Variants in GPNMB observed in about 807,000 individuals in gnomAD.
The protein encoded by GPNMB is transmembrane glycoprotein NMB.
GPNMB carries 71 observed loss-of-function variants against 57.3 expected under a neutral mutation model. That is an observed-to-expected ratio of 1.24 (90% CI 1.02 to 1.51). GPNMB has a LOEUF of 1.51. Among genes scored for constraint, GPNMB ranks in the 40% most tolerant of loss-of-function variants. The pLI, the probability that GPNMB is intolerant of heterozygous loss-of-function variation, is 0.00. For synonymous variants in GPNMB, 253 were observed against 263.2 expected (o/e 0.96, Z 0.38); for missense variants, 677 against 691.9 (o/e 0.98, Z 0.24).
chr7:23,256,289 G>A (rs1303701579), intron 3 of GPNMB, among the ~76,000 whole-genome samples: 1 of 152,168 alleles, frequency 6.6e-6, no homozygotes, highest in African/African-American at 2.4e-5. Flanking sequence ...TTAGCACTTT[G>A]TCATAACTGC....
chr7:23,250,936 G>A (rs1354871070), intron 1 of GPNMB: 1 of 152,122 alleles, frequency 6.6e-6, no homozygotes, highest in Non-Finnish European at 1.5e-5. Flanking sequence ...AATAATCTTA[G>A]TTCTTTTCAT....
chr7:23,249,074 G>T (rs541778034), intron 1 of GPNMB, among the ~76,000 whole-genome samples: 1 of 152,178 alleles, frequency 6.6e-6, no homozygotes, highest in East Asian at 1.9e-4. Context: ...ACCTTATCCG[G>T]ATGGGTTTAT....
Position 23,260,158 on chromosome 7 carries a change from A to T in GPNMB, c.700+20A>T. 1 of 1,611,716 alleles carries T rather than the reference A, an allele frequency of 6.2e-7. No homozygotes were observed. The highest frequency in any genetic ancestry group is 2.2e-5 in the East Asian group (1 of 44,858). On this transcript the variant is annotated intron_variant, in intron 5 of 10. Transcript: ENST00000258733. ...TAACAGGTGAGTGGTGTGAACTCTA[A>T]CTGAGGATGAGGCACTTCATTCTGT... is the stretch of plus-strand genomic sequence containing the variant.
chr7:23,267,396 C>T (rs1162843470), intron 7 of GPNMB, among the ~76,000 whole-genome samples: 1 of 152,174 alleles, frequency 6.6e-6, no homozygotes, highest in Non-Finnish European at 1.5e-5. Flanking sequence ...GGCAAGAGGG[C>T]TGTCTTCCTT....
At position 23,270,091 on chromosome 7, in the gene GPNMB, T is replaced by C. The variant is rs745687067; in HGVS notation, c.1345T>C (p.Ser449Pro). ...GACTGTGAGACGAACCTTCAATGGG[T>C]CTGGGACGTACTGTGTGAACCTCAC... ...LLTVRRTFNG[S>P]GTYCVNLTLG... Residue 449 changes from serine (S) to proline (P), a missense_variant, in exon 9 of 11, where the codon TCT becomes CCT. Coordinates refer to ENST00000258733, the MANE Select transcript of GPNMB (RefSeq NM_002510.3). The C allele has an allele frequency of 2.5e-6, 4 of 1,613,978 alleles. No homozygotes were observed. In the East Asian group the frequency reaches 8.9e-5, roughly 36 times the overall value.
chr7:23,274,025 A>G (rs1562646319), intron 10 of GPNMB, 40 bp from the exon 11 acceptor site: 1 of 1,483,052 alleles, frequency 6.7e-7, no homozygotes, highest in Non-Finnish European at 9.3e-7. Flanking sequence ...ATTTCAACTG[A>G]AGATCTTTTA....
At chr7:23,266,464 ATCTTTTATGTTC>A in intron 6 of GPNMB, 41 bp from the exon 7 acceptor site, 1 of 1,582,900 alleles carries the variant, frequency 6.3e-7, no homozygotes, top group East Asian at 2.2e-5. Flanking sequence ...TATCACATGT[ATCTTTTATGTTC>A]GTAGCAACTA....
chr7:23,255,513 A>ATACT (rs1223324890), intron 3 of GPNMB, among the ~76,000 whole-genome samples: 1 of 152,240 alleles, frequency 6.6e-6, no homozygotes, highest in East Asian at 1.9e-4. Context: ...GCTGCAACAC[A>ATACT]GGAATACATA....
intron 2 of GPNMB, 24 bp from the exon 3 acceptor site, chr7:23,254,145 G>A (rs773200861): frequency 2.7e-5 from 43 of 1,584,862 alleles, no homozygotes; most frequent in Non-Finnish European, 3.7e-5. Flanking sequence ...CTGGATCATC[G>A]AGCCCCACTT....
chr7:23,268,711 T>G (rs1016925336), intron 8 of GPNMB, among the ~76,000 whole-genome samples: 2 of 152,154 alleles, frequency 1.3e-5, no homozygotes, highest in African/African-American at 4.8e-5. Flanking sequence ...GTGGCCTTAT[T>G]TGGTAGAAGA....
Position 23,274,933 on chromosome 7 carries a change from G to A in GPNMB, c.*709G>A, listed in dbSNP as rs1333832644. ...TATATTTCCAAATTTTTGTACAGTC[G>A]CTGCACATATTTGAAATCATATATT... On this transcript the variant is annotated 3_prime_UTR_variant, in exon 11 of 11. Transcript: ENST00000258733. 6.6e-6 allele frequency: 1 copy of A among 151,956 alleles called. No homozygotes were observed. The highest frequency in any genetic ancestry group is 1.9e-4 in the East Asian group (1 of 5,184). 9.4% of individuals were successfully genotyped at this position (151,956 alleles called of 1,614,324 possible).
At chr7:23,248,776 G>GTT (rs1554300154) in intron 1 of GPNMB, among the ~76,000 whole-genome samples, 2 of 143,422 alleles carry the variant, frequency 1.4e-5, no homozygotes, top group African/African-American at 2.5e-5. Flanking sequence ...TTACTATTGG[G>GTT]TTTTTTTTTT....
intron 1 of GPNMB, among the ~76,000 whole-genome samples, chr7:23,251,949 T>C (rs1246627739): frequency 6.6e-6 from 1 of 152,140 alleles, no homozygotes; most frequent in African/African-American, 2.4e-5. Context: ...AACCAACCAG[T>C]CTGCTACAAT....
At chr7:23,263,221 CTATT>C (rs1339584701) in intron 6 of GPNMB, among the ~76,000 whole-genome samples, 4 of 152,092 alleles carry the variant, frequency 2.6e-5, no homozygotes, top group Non-Finnish European at 4.4e-5. Flanking sequence ...TTCTTATAAA[CTATT>C]TATATCATAG....
chr7:23,266,536 C>A lies in GPNMB; in HGVS notation c.1038C>A (p.Pro346=), dbSNP rs770915595. The A allele has an allele frequency of 6.2e-7, 1 of 1,613,590 alleles. No homozygotes were observed. Among genetic ancestry groups the A allele is most frequent in the Non-Finnish European group, 8.5e-7 (1 of 1,179,536 alleles). Residue 346 remains proline, a synonymous_variant, in exon 7 of 11, where the codon CCC becomes CCA. Coordinates refer to ENST00000258733, the MANE Select transcript of GPNMB (RefSeq NM_002510.3). ...CCCCAGGACCTGCTGGTGACAACCC[C>A]CTGGAGCTGAGTAGGATTCCTGATG... ...TPSLGPAGDN[P]LELSRIPDEN... is the part of the protein sequence containing the mutation.
rs371885339 is a variant in GPNMB, at chr7:23,273,565, G to A, written c.1474G>A (p.Val492Ile). The A allele has an allele frequency of 3.0e-5, 48 of 1,613,950 alleles. No individual in the cohort carries two copies. The South Asian group carries it at 3.5e-4, about 12-fold the overall frequency. Reference sequence around the variant, plus strand: ...GATGGCAAACAGTGCCCTGATCTCCGTTGGCTGCTTGGCCATATTTGTCAC... The same window carrying A: ...GATGGCAAACAGTGCCCTGATCTCCATTGGCTGCTTGGCCATATTTGTCAC... ...LRMANSALISVGCLAIFVTVI... is the reference protein window; with the variant it reads ...LRMANSALISIGCLAIFVTVI... The change falls in exon 10 of 11, where the codon GTT (valine) becomes ATT (isoleucine). Residue 492 changes from valine to isoleucine, a missense_variant. Val to Ile is a conservative substitution (Grantham distance 29). Transcript: ENST00000258733.
intron 6 of GPNMB, among the ~76,000 whole-genome samples, chr7:23,263,331 G>T (rs892576690): frequency 1.3e-5 from 2 of 152,118 alleles, no homozygotes; most frequent in African/African-American, 4.8e-5. Flanking sequence ...AAACTAGTGG[G>T]CCAGGCATGG....
At chr7:23,264,308 C>A (rs1783006028) in intron 6 of GPNMB, among the ~76,000 whole-genome samples, 1 of 152,098 alleles carries the variant, frequency 6.6e-6, no homozygotes, top group African/African-American at 2.4e-5. Flanking sequence ...TCTCCATTAG[C>A]CCTTGAATCA....
At chr7:23,266,392 A>G in intron 6 of GPNMB, 125 bp from the exon 7 acceptor site, 2 of 833,952 alleles carry the variant, frequency 2.4e-6, no homozygotes, top group Non-Finnish European at 3.8e-6. Flanking sequence ...TAGCAATTTC[A>G]TAGTATAGTG....
Sources: gnomAD v4.1 joint callset for allele counts (sites outside exome capture counted in the v4.1 genomes callset) on GRCh38, gnomAD v4.1.1 for gene constraint, MANE v1.5 for transcripts, NCBI Gene and HGNC (gene_info 2026-07-23, HGNC 2026-07-21) for gene names.